PCBD2: variants seen among roughly 807,000 people sequenced by gnomAD.
PCBD2 encodes pterin-4-alpha-carbinolamine dehydratase 2.
PCBD2 carries 12 observed loss-of-function variants against 16.4 expected under a neutral mutation model. The observed-to-expected ratio is 0.73, with a 90% CI of 0.47 to 1.19. The LOEUF is 1.19. PCBD2 is among the 50% of genes most tolerant of loss of function. The pLI, the probability that PCBD2 is intolerant of heterozygous loss-of-function variation, is 0.00. For synonymous variants in PCBD2, 58 were observed against 61.8 expected, an observed-to-expected ratio of 0.94 and a Z score of 0.29; for missense variants, 138 against 156.8, an observed-to-expected ratio of 0.88 and a Z score of 0.64.
intron 2 of PCBD2, among the ~76,000 whole-genome samples, chr5:134,920,697 C>T (rs1561908050): frequency 6.6e-6 from 1 of 151,106 alleles, no homozygotes; most frequent in Non-Finnish European, 1.5e-5. Context: ...GCTCTGTCGG[C>T]TAGGCTGGAG....
intron 2 of PCBD2, among the ~76,000 whole-genome samples, chr5:134,957,472 T>C (rs1340981970): frequency 6.6e-6 from 1 of 152,136 alleles, no homozygotes; most frequent in Non-Finnish European, 1.5e-5. Context: ...TTATACGTAG[T>C]TTAATGTGGG....
chr5:134,940,631 A>G (rs904120727), intron 2 of PCBD2, among the ~76,000 whole-genome samples: 1 of 152,118 alleles, frequency 6.6e-6, no homozygotes, highest in Non-Finnish European at 1.5e-5. Context: ...TTTTGAAAAC[A>G]TAAGATATGA....
rs1751485733 is a variant in PCBD2 at position 134,962,118 on chromosome 5, G to T, written c.*1437G>T. The stretch of plus-strand genomic sequence containing the variant: ...TGTGTGTGTGTGTGTTTGACACGGG[G>T]TCTCATTCTGTTGCCCAGGCAGTAG... On this transcript the variant is annotated 3_prime_UTR_variant, in exon 4 of 4. Coordinates refer to ENST00000254908, the MANE Select transcript of PCBD2 (RefSeq NM_032151.5). Among the ~76,000 whole-genome samples the T allele has an allele frequency of 6.6e-6, 1 of 150,994 alleles. No individual in the cohort carries two copies. Among genetic ancestry groups the T allele is most frequent in the African/African-American group, 2.4e-5 (1 of 40,976 alleles).
intron 2 of PCBD2, chr5:134,928,353 A>T (rs930963392): frequency 4.5e-5 from 17 of 377,836 alleles, no homozygotes; most frequent in Non-Finnish European, 6.6e-5. Context: ...TCATAATTTA[A>T]TGAGTCGAAA....
intron 2 of PCBD2, among the ~76,000 whole-genome samples, chr5:134,954,283 T>TTTACTTAAATGTG (rs1751391369): frequency 6.6e-6 from 1 of 152,208 alleles, no homozygotes; most frequent in South Asian, 2.1e-4. Context: ...TTTTACACAT[T>TTTACTTAAATGTG]TAAGTATACT....
intron 2 of PCBD2, among the ~76,000 whole-genome samples, chr5:134,936,738 T>A (rs1404722975): frequency 1.3e-5 from 2 of 152,208 alleles, no homozygotes; most frequent in Admixed American, 1.3e-4. Context: ...ACCTTTAAGA[T>A]CCCCGAATTT....
At chr5:134,914,584 C>T (rs145917103) in intron 2 of PCBD2, among the ~76,000 whole-genome samples, 16 of 151,974 alleles carry the variant, frequency 1.1e-4, no homozygotes, top group East Asian at 9.7e-4. Context: ...GGGACAGAAA[C>T]GCTGGCCCTT....
chr5:134,908,253 C>T (rs954785354), intron 1 of PCBD2, among the ~76,000 whole-genome samples: 5 of 140,692 alleles, frequency 3.6e-5, no homozygotes, highest in Non-Finnish European at 7.6e-5. Context: ...TTTTTTGAGA[C>T]AGAGTTTCAC....
chr5:134,911,261 C>T (rs976003139), intron 2 of PCBD2, among the ~76,000 whole-genome samples: 1 of 152,174 alleles, frequency 6.6e-6, no homozygotes, highest in African/African-American at 2.4e-5. Context: ...CCCTGACTGG[C>T]TTATTTTTCT....
intron 2 of PCBD2, among the ~76,000 whole-genome samples, chr5:134,921,101 C>T (rs1750898397): frequency 6.6e-6 from 1 of 152,206 alleles, no homozygotes; most frequent in Admixed American, 6.5e-5. Flanking sequence ...GTGGTTCTGT[C>T]AGGATTCGTG....
chr5:134,945,525 A>G (rs914067812), intron 2 of PCBD2, among the ~76,000 whole-genome samples: 1 of 152,248 alleles, frequency 6.6e-6, no homozygotes, highest in Non-Finnish European at 1.5e-5. Context: ...GATAATTTAT[A>G]TAGAAATGCG....
At chr5:134,918,876 A>G (rs886294149) in intron 2 of PCBD2, among the ~76,000 whole-genome samples, 3 of 152,236 alleles carry the variant, frequency 2.0e-5, no homozygotes, top group South Asian at 2.1e-4. Flanking sequence ...GGGTAGGGAA[A>G]TAAGAGCCTG....
At chr5:134,933,158 T>G (rs1042327566) in intron 2 of PCBD2, among the ~76,000 whole-genome samples, 5 of 152,242 alleles carry the variant, frequency 3.3e-5, no homozygotes, top group Non-Finnish European at 5.9e-5. Flanking sequence ...GATCATATTA[T>G]AGATATTTTT....
chr5:134,921,274 AT>A (rs1312061551), intron 2 of PCBD2, among the ~76,000 whole-genome samples: 2 of 152,160 alleles, frequency 1.3e-5, no homozygotes, highest in African/African-American at 4.8e-5. Context: ...GTACAAGGTG[AT>A]TGATTTTTTT....
intron 2 of PCBD2, among the ~76,000 whole-genome samples, chr5:134,941,118 GAAAAAAA>G (rs764468793): frequency 7.5e-5 from 6 of 80,232 alleles, no homozygotes; most frequent in Middle Eastern, 0.01. Flanking sequence ...CCATCTCAAG[GAAAAAAA>G]AAAAAAAAAA....
intron 1 of PCBD2, among the ~76,000 whole-genome samples, chr5:134,906,194 A>ATTTTTTTTTTTTTTTTTTTT (rs1158334317): frequency 7.5e-5 from 5 of 66,522 alleles, no homozygotes; most frequent in African/African-American, 2.0e-4. Context: ...TAATAGAAGA[A>ATTTTTTTTTTTTTTTTTTTT]TTTTTTTTTT....
intron 2 of PCBD2, among the ~76,000 whole-genome samples, chr5:134,914,489 G>A (rs1023366275): frequency 2.6e-5 from 4 of 152,090 alleles, no homozygotes; most frequent in South Asian, 2.1e-4. Context: ...ACAAGCTGGA[G>A]TAGATGCAGA....
rs577169278 is a variant in PCBD2, at chr5:134,923,511, G to A, written c.216+13045G>A. ...AATGAAGGGCAAGATAAAGTGAAAGGTAAAGAACCGTGTGAGGGTGGGACT... is the reference window on the plus strand; with the variant it reads ...AATGAAGGGCAAGATAAAGTGAAAGATAAAGAACCGTGTGAGGGTGGGACT... On this transcript the variant is annotated intron_variant, in intron 2 of 3. Coordinates refer to ENST00000254908, the MANE Select transcript of PCBD2 (RefSeq NM_032151.5). 4 of 282,746 alleles carry A rather than the reference G, an allele frequency of 1.4e-5. No individual in the cohort carries two copies. In the South Asian group the frequency reaches 6.3e-4, roughly 44 times the overall value. The allele number at this position is 282,746 out of a possible 1,614,324, so 17.5% of individuals were successfully genotyped here.
intron 2 of PCBD2, among the ~76,000 whole-genome samples, chr5:134,937,185 AATAC>A (rs1465851353): frequency 2.6e-5 from 4 of 152,226 alleles, no homozygotes; most frequent in African/African-American, 9.7e-5. Context: ...TTCAGATTAT[AATAC>A]ATAAGTAAAG....
Sources: allele counts gnomAD v4.1 joint callset (sites outside exome capture counted in the v4.1 genomes callset), GRCh38; gene constraint gnomAD v4.1.1; transcripts MANE v1.5; gene names NCBI Gene and HGNC (gene_info 2026-07-23, HGNC 2026-07-21).